P2RX5: variants seen among roughly 807,000 people sequenced by gnomAD.
P2RX5 encodes purinergic receptor P2X 5, also known as P2X purinoceptor 5.
P2RX5 carries 46 observed loss-of-function variants against 54.1 expected under a neutral mutation model. The observed-to-expected ratio is 0.85, with a 90% CI of 0.67 to 1.09. P2RX5 has a LOEUF of 1.09. Among genes scored for constraint, P2RX5 ranks in the 50% least tolerant of loss-of-function variants. The pLI is 0.00. For missense variants in P2RX5, 566 were observed against 549.8 expected (o/e 1.03, Z -0.29); for synonymous variants, 226 against 226.4 (o/e 1.00, Z 0.02).
chr17:3,681,819 A>T lies in P2RX5; in HGVS notation c.1064+77T>A, dbSNP rs565338767. ...CTCCCACCCCAGCCATCAATATCAC[A>T]TCAGGGCAAAGGCTCGAAGCCACGG... On this transcript the variant is annotated intron_variant, in intron 10 of 11. Coordinates refer to ENST00000225328, the MANE Select transcript of P2RX5 (RefSeq NM_002561.4). 5.3e-6 allele frequency: 5 copies of T among 949,986 alleles called. No individual in the cohort carries two copies. In the African/African-American group the frequency reaches 8.0e-5, roughly 15 times the overall value. The allele number at this position is 949,986 out of a possible 1,614,324, so 58.8% of individuals were successfully genotyped here. A position where few individuals can be genotyped will look rare whatever the true frequency, so the allele number is the denominator to read the frequency against.
chr17:3,676,621 T>C (rs970843952), intron 11 of P2RX5: 10 of 984,100 alleles, frequency 1.0e-5, no homozygotes, highest in East Asian at 2.3e-4. Context: ...CTGGCCTTTT[T>C]CCCCTGAGAA....
the P2RX5 span, chr17:3,723,217 A>G: frequency 1.9e-6 from 2 of 1,030,510 alleles, no homozygotes; most frequent in Non-Finnish European, 3.1e-6. Context: ...CAAAGATGCT[A>G]TTATCTCTTC....
Position 3,681,962 on chromosome 17 carries a change from T to C in P2RX5, c.998A>G (p.Asp333Gly), listed in dbSNP as rs2050296785. The C allele has an allele frequency of 6.2e-7, 1 of 1,613,130 alleles. No homozygotes were observed. The highest frequency in any genetic ancestry group is 1.7e-5 in the Admixed American group (1 of 59,998). Residue 333 changes from aspartate (D) to glycine (G), a missense_variant, in exon 10 of 12, where the codon GAC becomes GGC. Transcript: ENST00000225328. ...TTTGATGAGGTAGATGAGTACCAGG[T>C]CGCAGAAGAAAGCACCCTGCAAAAC... is the stretch of plus-strand genomic sequence containing the variant. ...MVNGKGAFFC[D>G]LVLIYLIKKR...
chr17:3,680,497 G>GTCCTCCACCCTGCA (rs1353320439), intron 10 of P2RX5, among the ~76,000 whole-genome samples: 494 of 33,772 alleles, frequency 0.015, 22 homozygotes, highest in African/African-American at 0.041. Flanking sequence ...TCCACCCAGT[G>GTCCTCCACCCTGCA]TCCTCCACCC....
At chr17:3,719,234 T>TAAAAAAAAAA in the P2RX5 span, among the ~76,000 whole-genome samples, 19 of 34,802 alleles carry the variant, frequency 5.5e-4, 1 homozygote, top group African/African-American at 2.3e-3. Context: ...AGATTCTTCC[T>TAAAAAAAAAA]CAAAAAAAAA....
In P2RX5 at chr17:3,695,760, G is replaced by A. The variant is rs548353518; in HGVS notation, c.137+109C>T. On this transcript the variant is annotated intron_variant, in intron 1 of 11. Coordinates refer to ENST00000225328, the MANE Select transcript of P2RX5 (RefSeq NM_002561.4). ...GCAGGCTCACAGACCCCCAGCTACC[G>A]GGAAAACCGCGTGCACGCCTGCGAA... is the stretch of plus-strand genomic sequence containing the variant. 14 of 1,403,432 alleles carry A rather than the reference G, an allele frequency of 1.0e-5. No homozygotes were observed. In the South Asian group the frequency reaches 1.3e-4, roughly 13 times the overall value. 86.9% of individuals were successfully genotyped at this position (1,403,432 alleles called of 1,614,324 possible).
At chr17:3,718,889 T>C in the P2RX5 span, among the ~76,000 whole-genome samples, 5 of 152,300 alleles carry the variant, frequency 3.3e-5, no homozygotes, top group South Asian at 1.0e-3. Flanking sequence ...GGCACTTCTA[T>C]TTCTTCCGTT....
At position 3,677,941 on chromosome 17, in the gene P2RX5, C is replaced by G. The variant is rs984431543; in HGVS notation, c.1259+1649G>C. 2.0e-5 allele frequency: 20 copies of G among 985,386 alleles called. 3 individuals carry two copies. The highest frequency in any genetic ancestry group is 2.3e-4 in the East Asian group (2 of 8,812). The allele number at this position is 985,386 out of a possible 1,614,324, so 61.0% of individuals were successfully genotyped here. On this transcript the variant is annotated intron_variant, in intron 11 of 11. Transcript: ENST00000225328. The stretch of plus-strand genomic sequence containing the variant: ...TCAGCAAAAAGCTTGCAGCAAGATC[C>G]CAAAGTTCAGGAGAGATGGCTGTGC...
At chr17:3,699,850 GAAAAA>G (rs61413924), upstream of P2RX5, among the ~76,000 whole-genome samples, 1 of 78,512 alleles carries the variant, frequency 1.3e-5, no homozygotes, top group Admixed American at 1.7e-4. Flanking sequence ...GAAAGAAAAA[GAAAAA>G]AGAAAGAAAG....
the P2RX5 span, among the ~76,000 whole-genome samples, chr17:3,704,198 T>C: frequency 6.6e-6 from 1 of 152,186 alleles, no homozygotes; most frequent in South Asian, 2.1e-4. Flanking sequence ...GTTACTTCCT[T>C]ATGGTGAATT....
chr17:3,677,734 G>T, intron 11 of P2RX5: 1 of 985,396 alleles, frequency 1.0e-6, no homozygotes, highest in Non-Finnish European at 1.2e-6. Flanking sequence ...CCAGCACACA[G>T]CATGCGTCAA....
chr17:3,723,736 C>G, the P2RX5 span: 2 of 1,607,006 alleles, frequency 1.2e-6, no homozygotes, highest in Middle Eastern at 1.7e-4. Flanking sequence ...AGGTGCACAC[C>G]GTGGAGGCCT....
chr17:3,673,706 G>C lies in P2RX5; in HGVS notation c.*162C>G. The C allele has an allele frequency of 6.4e-7, 1 of 1,573,834 alleles. No homozygotes were observed. The highest frequency in any genetic ancestry group is 8.6e-7 in the Non-Finnish European group (1 of 1,160,480). On this transcript the variant is annotated 3_prime_UTR_variant, in exon 12 of 12. Coordinates refer to ENST00000225328, the MANE Select transcript of P2RX5 (RefSeq NM_002561.4). The stretch of plus-strand genomic sequence containing the variant: ...TGATGACCCCAGCATCAGACGTGGA[G>C]GTCACTTTGCTCTGTGATGGCTGGT...
chr17:3,691,862 T>G, intron 1 of P2RX5, 68 bp from the exon 2 acceptor site: 1 of 1,539,458 alleles, frequency 6.5e-7, no homozygotes, highest in Middle Eastern at 1.7e-4. Flanking sequence ...CCCCAGGCCT[T>G]GGGGTGGGGT....
At chr17:3,721,364 TG>T in the P2RX5 span, among the ~76,000 whole-genome samples, 4 of 138,724 alleles carry the variant, frequency 2.9e-5, no homozygotes, top group Admixed American at 7.7e-5. Context: ...TTCAAATTCC[TG>T]GGCTCAAACG....
chr17:3,718,699 G>A, the P2RX5 span, among the ~76,000 whole-genome samples: 1 of 152,168 alleles, frequency 6.6e-6, no homozygotes, highest in South Asian at 2.1e-4. Flanking sequence ...TAAGTAAGAG[G>A]GGGAAACATA....
At position 3,673,732 on chromosome 17, in the gene P2RX5, C is replaced by A; in HGVS notation, c.*136G>T. On this transcript the variant is annotated 3_prime_UTR_variant, in exon 12 of 12. Coordinates refer to ENST00000225328, the MANE Select transcript of P2RX5 (RefSeq NM_002561.4). ...GTCACTTTGCTCTGTGATGGCTGGT[C>A]CCTGTGATGTGGCATTGATAGCACC... The A allele has an allele frequency of 6.2e-7, 1 of 1,602,438 alleles. No homozygotes were observed. Among genetic ancestry groups the A allele is most frequent in the Non-Finnish European group, 8.5e-7 (1 of 1,175,298 alleles).
At chr17:3,713,946 T>TC in the P2RX5 span, among the ~76,000 whole-genome samples, 1 of 105,142 alleles carries the variant, frequency 9.5e-6, no homozygotes, top group Non-Finnish European at 2.0e-5. Context: ...TAATTTTTTT[T>TC]TGAGACAGTC....
the P2RX5 span, among the ~76,000 whole-genome samples, chr17:3,707,227 A>G: frequency 6.6e-6 from 1 of 152,216 alleles, no homozygotes; most frequent in Non-Finnish European, 1.5e-5. Context: ...ACCGGTGTTC[A>G]CTGTAGAATT....
Sources: allele counts gnomAD v4.1 joint callset (sites outside exome capture counted in the v4.1 genomes callset), GRCh38; gene constraint gnomAD v4.1.1; transcripts MANE v1.5; gene names NCBI Gene and HGNC (gene_info 2026-07-23, HGNC 2026-07-21).